The following ADAMTSL1 variants were observed in gnomAD, a reference collection of about 807,000 sequenced individuals.
The protein encoded by ADAMTSL1 is ADAMTS like 1.
ADAMTSL1 carries 126 observed loss-of-function variants against 201.8 expected under a neutral mutation model. The observed-to-expected ratio is 0.62, with a 90% CI of 0.54 to 0.72. The LOEUF (loss-of-function observed/expected upper bound fraction) is 0.72. Ranked by LOEUF, ADAMTSL1 falls within the 30% of genes least tolerant of loss-of-function variation. The pLI, the probability that ADAMTSL1 is intolerant of heterozygous loss-of-function variation, is 0.00. For missense variants in ADAMTSL1, 2,679 were observed against 2,277.8 expected, an observed-to-expected ratio of 1.18 and a Z score of -3.59; for synonymous variants, 1,121 against 903.4, an observed-to-expected ratio of 1.24 and a Z score of -4.32.
At chr9:17,925,606 C>G (rs967908053) in intron 1 of ADAMTSL1, among the ~76,000 whole-genome samples, 1 of 125,502 alleles carries the variant, frequency 8.0e-6, no homozygotes, top group African/African-American at 2.8e-5. Context: ...ATCGCAAGAA[C>G]AAAAAACCAA....
At chr9:18,317,975 C>T (rs1469373424) in intron 2 of ADAMTSL1, among the ~76,000 whole-genome samples, 1 of 152,180 alleles carries the variant, frequency 6.6e-6, no homozygotes, top group Non-Finnish European at 1.5e-5. Flanking sequence ...GCAGATCTGG[C>T]TCTGCCCCTT....
chr9:18,722,044 C>T (rs1833419828), intron 15 of ADAMTSL1, among the ~76,000 whole-genome samples: 1 of 152,154 alleles, frequency 6.6e-6, no homozygotes, highest in African/African-American at 2.4e-5. Context: ...CTGTGAATTG[C>T]AGAATATAAG....
rs142692787 is a variant in ADAMTSL1, at chr9:18,805,270, C to A, written c.3805+9746C>A. ...AGAATCTGTTGTATTTAAATTATTT[C>A]TTCTAATTACACTGGAATTCTCAGA... On this transcript the variant is annotated intron_variant, in intron 20 of 28. Coordinates refer to ENST00000380548, the MANE Select transcript of ADAMTSL1 (RefSeq NM_001040272.6). Among the ~76,000 whole-genome samples the A allele has an allele frequency of 2.0e-5, 3 of 152,336 alleles. No homozygotes were observed. In the East Asian group the frequency reaches 5.8e-4, roughly 29 times the overall value.
At position 18,867,946 on chromosome 9, in the gene ADAMTSL1, G is replaced by A. The variant is rs111982093; in HGVS notation, c.4250-19885G>A. On this transcript the variant is annotated intron_variant, in intron 23 of 28. Transcript: ENST00000380548. ...TGGCTGAAATACATACATCTTAACC[G>A]CACAATTTTAACAGACACACACCCA... Among the ~76,000 whole-genome samples the A allele has an allele frequency of 1.8e-4, 28 of 152,190 alleles. No individual in the cohort carries two copies. In the East Asian group the frequency reaches 2.3e-3, roughly 13 times the overall value.
chr9:18,574,338 T>C, intron 4 of ADAMTSL1, 72 bp downstream of exon 4: 1 of 1,270,576 alleles, frequency 7.9e-7, no homozygotes, highest in Non-Finnish European at 1.2e-6. Context: ...GTTTACATAG[T>C]CTCACTCTCT....
chr9:18,609,357 A>G (rs992207860), intron 4 of ADAMTSL1, among the ~76,000 whole-genome samples: 3 of 117,376 alleles, frequency 2.6e-5, no homozygotes, highest in African/African-American at 9.9e-5. Context: ...ACAGAACCCT[A>G]CCAGAGGTCA....
At chr9:18,273,609 C>T (rs1422940457) in intron 2 of ADAMTSL1, among the ~76,000 whole-genome samples, 2 of 152,178 alleles carry the variant, frequency 1.3e-5, no homozygotes, top group African/African-American at 4.8e-5. Flanking sequence ...CAAATTTAGT[C>T]CTCGGCATCA....
intron 2 of ADAMTSL1, among the ~76,000 whole-genome samples, chr9:18,310,386 A>C (rs866429354): frequency 1.1e-4 from 16 of 145,094 alleles, no homozygotes; most frequent in African/African-American, 2.7e-4. Flanking sequence ...AAAAAAAAAA[A>C]AAAAAAAAAA....
At chr9:18,323,824 T>C (rs1423380972) in intron 2 of ADAMTSL1, among the ~76,000 whole-genome samples, 1 of 152,114 alleles carries the variant, frequency 6.6e-6, no homozygotes, top group Non-Finnish European at 1.5e-5. Context: ...CTTTGAGAAA[T>C]CAAATAGGCC....
rs1822344919 is a variant in ADAMTSL1 at position 18,795,334 on chromosome 9, A to G, written c.3678-63A>G. ...TGAGGTTCCTTCCTGCCTTACCAAT[A>G]TTGAATGCCAAAAAGGAGTCAACTG... On this transcript the variant is annotated intron_variant, in intron 19 of 28. Coordinates refer to ENST00000380548, the MANE Select transcript of ADAMTSL1 (RefSeq NM_001040272.6). 4.4e-6 allele frequency: 7 copies of G among 1,601,916 alleles called. No individual in the cohort carries two copies. The Admixed American group carries it at 5.1e-5, about 12-fold the overall frequency.
chr9:18,815,358 G>T (rs944074064), intron 20 of ADAMTSL1, among the ~76,000 whole-genome samples: 1 of 151,384 alleles, frequency 6.6e-6, no homozygotes, highest in Non-Finnish European at 1.5e-5. Context: ...TATATGTACA[G>T]TGGAATACTT....
intron 7 of ADAMTSL1, among the ~76,000 whole-genome samples, chr9:18,643,000 T>A (rs1022762357): frequency 6.6e-6 from 1 of 151,988 alleles, no homozygotes; most frequent in Admixed American, 6.6e-5. Flanking sequence ...TTTTTAGAAA[T>A]GTTTATACTG....
chr9:18,645,704 T>C (rs71476278), intron 7 of ADAMTSL1, among the ~76,000 whole-genome samples: 24,537 of 147,192 alleles, frequency 0.17, 2,120 homozygotes, highest in Middle Eastern at 0.24. Context: ...GTTGTAGATA[T>C]GCAGCATTAT....
intron 2 of ADAMTSL1, among the ~76,000 whole-genome samples, chr9:18,290,563 G>T (rs1042715807): frequency 6.6e-6 from 1 of 151,940 alleles, no homozygotes; most frequent in Non-Finnish European, 1.5e-5. Context: ...TCACATGGGG[G>T]CTGTGATGTA....
chr9:17,908,734 A>C (rs1363287872), intron 1 of ADAMTSL1, among the ~76,000 whole-genome samples: 1 of 152,220 alleles, frequency 6.6e-6, no homozygotes, highest in Non-Finnish European at 1.5e-5. Flanking sequence ...CTGGGATTAC[A>C]GGCGTGAGCC....
intron 15 of ADAMTSL1, among the ~76,000 whole-genome samples, chr9:18,747,789 A>G (rs923926411): frequency 1.3e-5 from 2 of 152,170 alleles, no homozygotes; most frequent in African/African-American, 4.8e-5. Flanking sequence ...GCCCAAGTTC[A>G]AGGGCTAGCC....
chr9:18,781,406 T>A (rs1821387196), intron 19 of ADAMTSL1, among the ~76,000 whole-genome samples: 1 of 152,252 alleles, frequency 6.6e-6, no homozygotes, highest in Non-Finnish European at 1.5e-5. Flanking sequence ...GACATTTCCC[T>A]TTCTGACCTT....
At chr9:18,517,954 T>A (rs568053892) in intron 2 of ADAMTSL1, among the ~76,000 whole-genome samples, 6 of 152,086 alleles carry the variant, frequency 3.9e-5, no homozygotes, top group Admixed American at 1.3e-4. Context: ...TCCTTCTGTA[T>A]GTTTCTTCCT....
chr9:18,403,155 TC>T (rs1311079470), intron 2 of ADAMTSL1, among the ~76,000 whole-genome samples: 134 of 144,716 alleles, frequency 9.3e-4, no homozygotes, highest in African/African-American at 2.8e-3. Flanking sequence ...TTTCTTGTAA[TC>T]TTTTTTTTTT....
Sources: gnomAD v4.1 joint callset for allele counts (sites outside exome capture counted in the v4.1 genomes callset) on GRCh38, gnomAD v4.1.1 for gene constraint, MANE v1.5 for transcripts, NCBI Gene and HGNC (gene_info 2026-07-23, HGNC 2026-07-21) for gene names.